TMEM26: variants seen among roughly 807,000 people sequenced by gnomAD.
TMEM26 encodes transmembrane protein 26.
Under a neutral mutation model 28.8 loss-of-function variants are expected in TMEM26, and 38 were observed. That is an observed-to-expected ratio of 1.32 (90% CI 1.02 to 1.73). The LOEUF is 1.73. TMEM26 is among the 40% of genes most tolerant of loss of function. The pLI, the probability that TMEM26 is intolerant of heterozygous loss-of-function variation, is 0.00. For synonymous variants in TMEM26, 227 were observed against 182.9 expected, an observed-to-expected ratio of 1.24 and a Z score of -1.95; for missense variants, 518 against 447.1, an observed-to-expected ratio of 1.16 and a Z score of -1.43.
Position 61,431,438 on chromosome 10 carries a change from G to GT in TMEM26, c.271-107dup, listed in dbSNP as rs1420820256. The GT allele has an allele frequency of 5.3e-6, 4 of 753,340 alleles. No individual in the cohort carries two copies. The African/African-American group carries it at 7.1e-5, about 13-fold the overall frequency. The allele number at this position is 753,340 out of a possible 1,614,324, so 46.7% of individuals were successfully genotyped here. A position where few individuals can be genotyped will look rare whatever the true frequency, so the allele number is the denominator to read the frequency against. On this transcript the variant is annotated intron_variant, in intron 2 of 5. Transcript: ENST00000399298. ...AAGAGATTATGAGCAGATATGCAGA[G>GT]TTTATACAGCATATATATAAACATT...
intron 4 of TMEM26, among the ~76,000 whole-genome samples, chr10:61,423,075 T>A (rs146170054): frequency 6.6e-6 from 1 of 152,100 alleles, no homozygotes; most frequent in Non-Finnish European, 1.5e-5. Flanking sequence ...TGGACAACTT[T>A]ATGACAAAAA....
At chr10:61,440,858 G>C (rs916215608) in intron 1 of TMEM26, among the ~76,000 whole-genome samples, 3 of 152,264 alleles carry the variant, frequency 2.0e-5, no homozygotes, top group Admixed American at 6.5e-5. Context: ...GGGGGGGATT[G>C]GTTCTAGAAA....
intron 3 of TMEM26, among the ~76,000 whole-genome samples, chr10:61,430,285 T>C (rs183143947): frequency 1.8e-3 from 275 of 152,204 alleles, no homozygotes; most frequent in Non-Finnish European, 3.2e-3. Context: ...GTACATCTTA[T>C]TATTGAAAAT....
intron 1 of TMEM26, among the ~76,000 whole-genome samples, chr10:61,447,192 G>T (rs1840199305): frequency 6.6e-6 from 1 of 152,152 alleles, no homozygotes. Flanking sequence ...CCTCTCTGGG[G>T]TCCAAAAACA....
intron 1 of TMEM26, 78 bp downstream of exon 1, chr10:61,452,813 G>A (rs1486508016): frequency 1.3e-6 from 2 of 1,497,820 alleles, no homozygotes; most frequent in East Asian, 2.3e-5. Flanking sequence ...TGCGGGTTGC[G>A]GGAAGATGGC....
rs539126841 is a variant in TMEM26, at chr10:61,428,634, T to C, written c.605+292A>G. 2.0e-5 allele frequency among the ~76,000 whole-genome samples: 3 copies of C among 152,236 alleles called. No homozygotes were observed. In the South Asian group the frequency reaches 6.2e-4, roughly 32 times the overall value. On this transcript the variant is annotated intron_variant, in intron 4 of 5. Coordinates refer to ENST00000399298, the MANE Select transcript of TMEM26 (RefSeq NM_178505.8). ...ACTTCAGAAGGTTTTCAGAGAACCA[T>C]GACTCTATCTAACCTGTGGTCATGA...
At chr10:61,421,056 A>G (rs1377948657) in intron 4 of TMEM26, among the ~76,000 whole-genome samples, 1 of 152,130 alleles carries the variant, frequency 6.6e-6, no homozygotes, top group Non-Finnish European at 1.5e-5. Flanking sequence ...AGTTATCAGT[A>G]ACGGAGCAAG....
In TMEM26 at chr10:61,428,999, G is replaced by A; in HGVS notation, c.532C>T (p.Leu178Phe). The stretch of plus-strand genomic sequence containing the variant: ...GCCGCTGTCCCCACAAACATAAGAA[G>A]AAGTTGAGAGAGTTGATCTCGAGTG... The part of the protein sequence containing the change: ...GITRDQLSQL[L>F]LMFVGTAADI... The change falls in exon 4 of 6, where the codon CTT (leucine) becomes TTT (phenylalanine). Residue 178 changes from leucine (L) to phenylalanine (F), a missense_variant. Coordinates refer to ENST00000399298, the MANE Select transcript of TMEM26 (RefSeq NM_178505.8). 2 of 1,613,326 alleles carry A rather than the reference G, an allele frequency of 1.2e-6. No homozygotes were observed. The highest frequency in any genetic ancestry group is 1.3e-5 in the African/African-American group (1 of 74,990).
intron 1 of TMEM26, among the ~76,000 whole-genome samples, chr10:61,438,537 T>C (rs1840043617): frequency 6.6e-6 from 1 of 152,182 alleles, no homozygotes; most frequent in Non-Finnish European, 1.5e-5. Context: ...AGGGAAACCA[T>C]AGCCTGAACA....
chr10:61,430,172 TGAGA>T (rs1367270097), intron 3 of TMEM26, among the ~76,000 whole-genome samples: 3 of 152,014 alleles, frequency 2.0e-5, no homozygotes, highest in African/African-American at 4.8e-5. Context: ...GATGAAAAAC[TGAGA>T]GAGAAACTAA....
Position 61,408,792 on chromosome 10 carries a change from GAAAT to G in TMEM26, c.*1526_*1529del, listed in dbSNP as rs1405691445. 6.6e-6 allele frequency: 1 copy of G among 152,078 alleles called. No homozygotes were observed. The highest frequency in any genetic ancestry group is 1.5e-5 in the Non-Finnish European group (1 of 68,016). 9.4% of individuals were successfully genotyped at this position (152,078 alleles called of 1,614,324 possible). A position where few individuals can be genotyped will look rare whatever the true frequency, so the allele number is the denominator to read the frequency against. On this transcript the variant is annotated 3_prime_UTR_variant, in exon 6 of 6. Transcript: ENST00000399298. ...TAAAATTAGAAGCACAAGGAAGAAAGAAATAAAAAACATATAACAATGGCACTGA... is the reference window on the plus strand; with the variant it reads ...TAAAATTAGAAGCACAAGGAAGAAAGAAAAAACATATAACAATGGCACTGA...
Position 61,410,543 on chromosome 10 carries a change from C to A in TMEM26, c.886G>T (p.Val296Leu), listed in dbSNP as rs1839552350. ...AAGCGGTAGAGTTGCAACACCACCA[C>A]GAGGAAGTTCTTCGCGGCAAAGAAC... ...LVFFAAKNFL[V>L]VVLQLYRLVV... The change falls in exon 6 of 6, where the codon GTG (valine) becomes TTG (leucine). Residue 296 changes from valine (V) to leucine (L), a missense_variant. Physicochemically the swap from Val to Leu is conservative, Grantham distance 32. Coordinates refer to ENST00000399298, the MANE Select transcript of TMEM26 (RefSeq NM_178505.8). 6.2e-7 allele frequency: 1 copy of A among 1,614,076 alleles called. No individual in the cohort carries two copies. The highest frequency in any genetic ancestry group is 8.5e-7 in the Non-Finnish European group (1 of 1,180,008).
intron 1 of TMEM26, among the ~76,000 whole-genome samples, chr10:61,446,999 T>C (rs542093349): frequency 2.6e-4 from 39 of 151,788 alleles, no homozygotes; most frequent in Admixed American, 2.4e-3. Context: ...GCAAACACAA[T>C]AAAATGAGGT....
chr10:61,429,087 G>T lies in TMEM26; in HGVS notation c.444C>A (p.Leu148=), dbSNP rs746340119. 5 of 1,613,112 alleles carry T rather than the reference G, an allele frequency of 3.1e-6. No homozygotes were observed. Among genetic ancestry groups the T allele is most frequent in the Admixed American group, 1.7e-5 (1 of 59,916 alleles). ...TVCEKVWTLG[L]HQTFLLMLII... is the part of the protein sequence containing the mutation. ...TTAGCATTAACAGGAATGTCTGATG[G>T]AGTCCCAATGTCCAAACTTTCTCAC... Residue 148 remains leucine, a synonymous_variant, in exon 4 of 6, where the codon CTC becomes CTA. Transcript: ENST00000399298.
intron 4 of TMEM26, among the ~76,000 whole-genome samples, chr10:61,423,853 C>A (rs1839787790): frequency 6.6e-6 from 1 of 151,946 alleles, no homozygotes; most frequent in South Asian, 2.1e-4. Flanking sequence ...AAAAGACAAC[C>A]AACAAGTAAT....
At chr10:61,427,645 T>G (rs546932095) in intron 4 of TMEM26, among the ~76,000 whole-genome samples, 3 of 152,214 alleles carry the variant, frequency 2.0e-5, no homozygotes, top group African/African-American at 7.2e-5. Flanking sequence ...CTTACAATTT[T>G]ATGACTGGCC....
chr10:61,421,063 C>T (rs1287026974), intron 4 of TMEM26, among the ~76,000 whole-genome samples: 1 of 151,706 alleles, frequency 6.6e-6, no homozygotes, highest in African/African-American at 2.4e-5. Flanking sequence ...AGTAACGGAG[C>T]AAGTGGGGCA....
Position 61,438,252 on chromosome 10 carries a change from G to A in TMEM26, c.192-2004C>T, listed in dbSNP as rs376851608. On this transcript the variant is annotated intron_variant, in intron 1 of 5. Transcript: ENST00000399298. ...AAAATCTGACTTGGAGGATGGTGAA[G>A]CTGTAGAGAGATATCAAAAGCCCAT... Among the ~76,000 whole-genome samples, 6 of 152,220 alleles carry A rather than the reference G, an allele frequency of 3.9e-5. No individual in the cohort carries two copies. In the East Asian group the frequency reaches 7.7e-4, roughly 20 times the overall value.
At chr10:61,449,300 C>T (rs1840236577) in intron 1 of TMEM26, among the ~76,000 whole-genome samples, 1 of 151,904 alleles carries the variant, frequency 6.6e-6, no homozygotes, top group Admixed American at 6.6e-5. Context: ...TTTTTTTTAG[C>T]TTAACGGGGG....
Sources: allele counts gnomAD v4.1 joint callset (sites outside exome capture counted in the v4.1 genomes callset), GRCh38; gene constraint gnomAD v4.1.1; transcripts MANE v1.5; gene names NCBI Gene and HGNC (gene_info 2026-07-23, HGNC 2026-07-21).